Variants in ECM2 observed in about 807,000 individuals in gnomAD.
ECM2 encodes extracellular matrix protein 2.
A neutral mutation model predicts 67.5 loss-of-function variants in ECM2; 57 were observed. The observed-to-expected ratio is 0.84, with a 90% CI of 0.68 to 1.05. The LOEUF is 1.05. Among genes scored for constraint, ECM2 ranks in the 50% least tolerant of loss-of-function variants. The probability of loss-of-function intolerance (pLI) is 0.00; values close to 1 mark genes in which losing one functional copy is unlikely to be tolerated. For missense variants in ECM2, 741 were observed against 822.8 expected, an observed-to-expected ratio of 0.90 and a Z score of 1.22; for synonymous variants, 258 against 294.5, an observed-to-expected ratio of 0.88 and a Z score of 1.27.
At chr9:92,542,187 A>C in the ECM2 span, among the ~76,000 whole-genome samples, 1 of 152,196 alleles carries the variant, frequency 6.6e-6, no homozygotes, top group Non-Finnish European at 1.5e-5. Flanking sequence ...GTATTCTATA[A>C]TGGCTCCTTT....
upstream of ECM2, among the ~76,000 whole-genome samples, chr9:92,539,865 G>C (rs1275751602): frequency 6.6e-6 from 1 of 152,108 alleles, no homozygotes; most frequent in Admixed American, 6.6e-5. Context: ...ATGGACATTT[G>C]GGTTGTTTCC....
intron 7 of ECM2, among the ~76,000 whole-genome samples, chr9:92,504,064 G>C (rs1433699993): frequency 6.6e-6 from 1 of 152,174 alleles, no homozygotes; most frequent in African/African-American, 2.4e-5. Context: ...GCTCACAGTG[G>C]GGCAGATTGC....
Position 92,505,575 on chromosome 9 carries a change from A to G in ECM2, c.1422T>C (p.Asn474=). The change falls in exon 7 of 10, where the codon AAT becomes AAC. Residue 474 remains asparagine, a synonymous_variant. Transcript: ENST00000344604. ...KSLAYLRLGK[N]KFRIIPQGLP... ...GACCCTGCGGTATAATTCTAAATTT[A>G]TTTTTTCCCAGACGCAAGTAGGCTA... 1.2e-6 allele frequency: 2 copies of G among 1,607,552 alleles called. No homozygotes were observed. The highest frequency in any genetic ancestry group is 8.5e-7 in the Non-Finnish European group (1 of 1,178,490).
At chr9:92,525,324 A>G (rs1848323935) in intron 1 of ECM2, among the ~76,000 whole-genome samples, 1 of 152,074 alleles carries the variant, frequency 6.6e-6, no homozygotes, top group Non-Finnish European at 1.5e-5. Context: ...TCTCAAAAAA[A>G]AAAAAAGAAA....
chr9:92,539,425 A>T (rs192813708), upstream of ECM2, among the ~76,000 whole-genome samples: 161 of 141,744 alleles, frequency 1.1e-3, 1 homozygote, highest in Non-Finnish European at 1.4e-3. Flanking sequence ...GCTGTTAACT[A>T]CATTTTTATG....
the ECM2 span, among the ~76,000 whole-genome samples, chr9:92,549,511 G>T: frequency 6.6e-6 from 1 of 152,106 alleles, no homozygotes; most frequent in African/African-American, 2.4e-5. Context: ...GCTGGGCGTT[G>T]TGGCACACGC....
intron 1 of ECM2, among the ~76,000 whole-genome samples, chr9:92,535,693 A>G (rs998017880): frequency 6.6e-6 from 1 of 152,260 alleles, no homozygotes; most frequent in Non-Finnish European, 1.5e-5. Context: ...TTATACTTCT[A>G]TTGAACACAT....
chr9:92,533,306 A>AC (rs1336997444), intron 1 of ECM2, among the ~76,000 whole-genome samples: 47 of 42,986 alleles, frequency 1.1e-3, no homozygotes, highest in East Asian at 2.2e-3. Context: ...TCTCAAACAA[A>AC]AAAAAAAAAA....
chr9:92,540,461 A>G (rs894783631), upstream of ECM2, among the ~76,000 whole-genome samples: 2 of 150,592 alleles, frequency 1.3e-5, no homozygotes, highest in Admixed American at 6.6e-5. Flanking sequence ...ATGAGATCAC[A>G]TATAAAAACA....
At chr9:92,508,259 A>G (rs918239276) in intron 6 of ECM2, among the ~76,000 whole-genome samples, 2 of 152,222 alleles carry the variant, frequency 1.3e-5, no homozygotes, top group African/African-American at 4.8e-5. Context: ...AGCCGGGGGT[A>G]TCTGAGCCGG....
At chr9:92,514,533 T>A in intron 4 of ECM2, 98 bp downstream of exon 4, 6 of 1,458,936 alleles carry the variant, frequency 4.1e-6, no homozygotes, top group South Asian at 1.5e-5. Flanking sequence ...CCTCAGCCTT[T>A]CAAAGTGCTG....
At chr9:92,502,921 C>A (rs1023027844) in intron 7 of ECM2, among the ~76,000 whole-genome samples, 1 of 151,028 alleles carries the variant, frequency 6.6e-6, no homozygotes, top group African/African-American at 2.4e-5. Context: ...GATCCTACCA[C>A]CTCAGTCCCA....
chr9:92,546,999 C>T, the ECM2 span, among the ~76,000 whole-genome samples: 1 of 152,156 alleles, frequency 6.6e-6, no homozygotes, highest in African/African-American at 2.4e-5. Flanking sequence ...TTTTGCAGGT[C>T]AGTCTCACTA....
chr9:92,510,190 C>T (rs1349874621), intron 5 of ECM2, among the ~76,000 whole-genome samples, 156 bp from the exon 6 acceptor site: 1 of 152,210 alleles, frequency 6.6e-6, no homozygotes. Flanking sequence ...ATTCCCCCTG[C>T]CAGGTTGATA....
intron 1 of ECM2, among the ~76,000 whole-genome samples, chr9:92,528,472 G>A (rs1181047804): frequency 2.0e-5 from 3 of 152,184 alleles, no homozygotes; most frequent in Non-Finnish European, 2.9e-5. Flanking sequence ...CTGAGTACTG[G>A]ATAGCACATG....
intron 3 of ECM2, among the ~76,000 whole-genome samples, chr9:92,515,978 G>A (rs1404886668): frequency 6.6e-6 from 1 of 152,122 alleles, no homozygotes; most frequent in Non-Finnish European, 1.5e-5. Flanking sequence ...GTCTTTGGCA[G>A]AAAGTGGGGA....
intron 1 of ECM2, among the ~76,000 whole-genome samples, chr9:92,533,829 ATTAT>A (rs1466570535): frequency 6.6e-6 from 1 of 152,084 alleles, no homozygotes; most frequent in African/African-American, 2.4e-5. Context: ...ATATTTGTCC[ATTAT>A]TTCTTATATT....
chr9:92,541,037 A>G (rs1849306272), upstream of ECM2, among the ~76,000 whole-genome samples: 1 of 151,402 alleles, frequency 6.6e-6, no homozygotes, highest in East Asian at 2.0e-4. Flanking sequence ...CGAGGTGGGC[A>G]GATCACAAGG....
At chr9:92,533,328 A>AAAAATATATATATACAT (rs1554683138) in intron 1 of ECM2, among the ~76,000 whole-genome samples, 1 of 38,338 alleles carries the variant, frequency 2.6e-5, no homozygotes, top group South Asian at 1.3e-3. Flanking sequence ...AAAAAAAAAA[A>AAAAATATATATATACAT]ATATATATAT....
Sources: allele counts gnomAD v4.1 joint callset (sites outside exome capture counted in the v4.1 genomes callset), GRCh38; gene constraint gnomAD v4.1.1; transcripts MANE v1.5; gene names NCBI Gene and HGNC (gene_info 2026-07-23, HGNC 2026-07-21).